Variants in HEXD observed in about 807,000 individuals in gnomAD.
HEXD encodes N-acetyl-beta-galactosaminidase.
A neutral mutation model predicts 54.2 loss-of-function variants in HEXD; 47 were observed. The observed-to-expected ratio is 0.87, with a 90% CI of 0.69 to 1.11. HEXD has a LOEUF of 1.11. Among genes scored for constraint, HEXD ranks in the 50% least tolerant of loss-of-function variants. The pLI, the probability that HEXD is intolerant of heterozygous loss-of-function variation, is 0.00. For missense variants in HEXD, 576 were observed against 649.2 expected (o/e 0.89, Z 1.23); for synonymous variants, 293 against 287.6 (o/e 1.02, Z -0.19).
intron 9 of HEXD, chr17:82,440,536 C>T (rs1410155755): frequency 6.1e-6 from 2 of 327,336 alleles, no homozygotes; most frequent in South Asian, 2.5e-5. Flanking sequence ...GCCCTCTGGC[C>T]GTCAGCCTCT....
rs765241910 is a variant in HEXD, at chr17:82,428,661, G to A, written c.282+16G>A. 1.9e-6 allele frequency: 3 copies of A among 1,608,370 alleles called. No homozygotes were observed. In the African/African-American group the frequency reaches 4.0e-5, roughly 21 times the overall value. On this transcript the variant is annotated intron_variant, in intron 4 of 12. Transcript: ENST00000327949. ...ACACATGGAGGTGAGTGGCAGAAATGGAAGTTACCTGGTGCCAGGTGTGGG... is the reference window on the plus strand; with the variant it reads ...ACACATGGAGGTGAGTGGCAGAAATAGAAGTTACCTGGTGCCAGGTGTGGG...
intron 4 of HEXD, among the ~76,000 whole-genome samples, chr17:82,430,640 C>T (rs913070598): frequency 6.6e-6 from 1 of 152,204 alleles, no homozygotes. Flanking sequence ...CCGCCTGCGT[C>T]GGCCTCTCAA....
intron 9 of HEXD, chr17:82,440,051 G>A (rs1567896763): frequency 1.5e-6 from 2 of 1,311,368 alleles, no homozygotes; most frequent in East Asian, 9.3e-5. Flanking sequence ...TGGCCGAGCA[G>A]GTGTGGGGCT....
chr17:82,440,961 G>A (rs766359988), intron 9 of HEXD, 36 bp from the exon 10 acceptor site: 4 of 1,611,998 alleles, frequency 2.5e-6, no homozygotes, highest in Non-Finnish European at 2.5e-6. Context: ...CTCCTCCAGA[G>A]GCCCCTCCAA....
At chr17:82,441,606 G>T (rs375334487) in intron 11 of HEXD, among the ~76,000 whole-genome samples, 194 bp from the exon 12 acceptor site, 14 of 152,048 alleles carry the variant, frequency 9.2e-5, no homozygotes, top group African/African-American at 3.4e-4. Context: ...GACAGGTGCT[G>T]GTGAGGGGCA....
intron 8 of HEXD, chr17:82,439,319 T>TG (rs1168029868): frequency 3.8e-6 from 2 of 523,568 alleles, no homozygotes; most frequent in Admixed American, 6.4e-5. Context: ...CCAGAGGTGC[T>TG]GGGGGGAGGG....
intron 8 of HEXD, among the ~76,000 whole-genome samples, chr17:82,438,030 A>C (rs1203015397): frequency 6.6e-6 from 1 of 152,122 alleles, no homozygotes; most frequent in Non-Finnish European, 1.5e-5. Context: ...TGAGGTCCAG[A>C]GTTCGTGACC....
In HEXD at chr17:82,428,530, CCT is replaced by C. The variant is rs763803136; in HGVS notation, c.195-21_195-20del. ...GGAAGTCACGTGCTGCTCACATGACCCTCTCTCTATGAATTTTGTCTCTCCAG... is the reference window on the plus strand; with the variant it reads ...GGAAGTCACGTGCTGCTCACATGACCCTCTCTATGAATTTTGTCTCTCCAG... On this transcript the variant is annotated intron_variant, in intron 3 of 12. Coordinates refer to ENST00000327949, the MANE Select transcript of HEXD (RefSeq NM_001330542.2). The C allele has an allele frequency of 1.2e-5, 19 of 1,601,900 alleles. No individual in the cohort carries two copies. The East Asian group carries it at 3.8e-4, about 32-fold the overall frequency.
intron 3 of HEXD, chr17:82,428,277 G>A: frequency 6.8e-6 from 2 of 292,366 alleles, no homozygotes; most frequent in South Asian, 8.4e-5. Context: ...GAGCCACTGT[G>A]CCTGGCCTTG....
intron 5 of HEXD, among the ~76,000 whole-genome samples, 154 bp downstream of exon 5, chr17:82,433,976 G>A (rs1430568380): frequency 2.0e-5 from 3 of 152,148 alleles, no homozygotes; most frequent in African/African-American, 4.8e-5. Context: ...GTGGATGGGC[G>A]GCCTGGCACG....
chr17:82,420,083 GA>G (rs939034680), intron 2 of HEXD, 200 bp downstream of exon 2: 31,147 of 285,256 alleles, frequency 0.11, 23 homozygotes, highest in East Asian at 0.15. Context: ...TGACAAAAGG[GA>G]AAAAAAAAAA....
At position 82,418,391 on chromosome 17, in the gene HEXD, C is replaced by A. The variant is rs761598896; in HGVS notation, c.-401C>A. 3.4e-5 allele frequency: 50 copies of A among 1,468,084 alleles called. No homozygotes were observed. In the South Asian group the frequency reaches 6.0e-4, roughly 17 times the overall value. 90.9% of individuals were successfully genotyped at this position (1,468,084 alleles called of 1,614,324 possible). On this transcript the variant is annotated 5_prime_UTR_variant, in exon 1 of 13. Coordinates refer to ENST00000327949, the MANE Select transcript of HEXD (RefSeq NM_001330542.2). ...CCCTGTCCGCCGCCGCAGCGCGCGC[C>A]CTTCCCCTCCTCACCGCTACCTGCT...
chr17:82,441,052 C>T lies in HEXD; in HGVS notation c.1038C>T (p.Ser346=). ...AKVENLLGIS[S]LEKTDPVREG... ...TGGAGAACCTTCTCGGGATTTCCAGCCTGGAAAAAACGGACCCTGTTAGGC... is the reference window on the plus strand; with the variant it reads ...TGGAGAACCTTCTCGGGATTTCCAGTCTGGAAAAAACGGACCCTGTTAGGC... The change falls in exon 10 of 13, where the codon AGC becomes AGT. Residue 346 remains serine, a synonymous_variant. Transcript: ENST00000327949. 6.2e-7 allele frequency: 1 copy of T among 1,613,574 alleles called. No individual in the cohort carries two copies. Among genetic ancestry groups the T allele is most frequent in the Middle Eastern group, 1.6e-4 (1 of 6,062 alleles).
chr17:82,437,138 A>C, intron 7 of HEXD, 30 bp from the exon 8 acceptor site: 1 of 1,546,314 alleles, frequency 6.5e-7, no homozygotes, highest in African/African-American at 1.4e-5. Context: ...CCTCCCCTGG[A>C]GCCACTCACC....
At chr17:82,422,122 T>G (rs1471352602) in intron 2 of HEXD, among the ~76,000 whole-genome samples, 1 of 147,314 alleles carries the variant, frequency 6.8e-6, no homozygotes. Flanking sequence ...GCCGAGATTG[T>G]GCCACTGCGC....
rs149027245 is a variant in HEXD, at chr17:82,439,836, G to A, written c.982+123G>A. On this transcript the variant is annotated intron_variant, in intron 9 of 12. Transcript: ENST00000327949. The stretch of plus-strand genomic sequence containing the variant: ...ACTGTGGTGGTCCTCACAGTCGGAG[G>A]ATGGTCTCACCGCCCCAGCTCAGCC... 2.2e-4 allele frequency: 343 copies of A among 1,570,230 alleles called. 3 individuals carry two copies. The East Asian group carries it at 6.6e-3, about 30-fold the overall frequency.
intron 9 of HEXD, chr17:82,440,329 C>T (rs894116209): frequency 3.1e-5 from 38 of 1,241,882 alleles, no homozygotes; most frequent in East Asian, 5.7e-5. Flanking sequence ...GACGGGGACG[C>T]GGCCGGTGAG....
rs2053702056 is a variant in HEXD at position 82,434,476 on chromosome 17, C to T, written c.447+654C>T. Reference sequence around the variant, plus strand: ...GAACCCGAGCTGAACATTTTAGCCCCAGAAGTTTCCTTTTTTTGAAGGAAA... The same window carrying T: ...GAACCCGAGCTGAACATTTTAGCCCTAGAAGTTTCCTTTTTTTGAAGGAAA... On this transcript the variant is annotated intron_variant, in intron 5 of 12. Coordinates refer to ENST00000327949, the MANE Select transcript of HEXD (RefSeq NM_001330542.2). The surrounding 1 kb of genome is among the most constrained non-coding windows in gnomAD (Gnocchi z 4.5). Among the ~76,000 whole-genome samples, 1 of 152,208 alleles carries T rather than the reference C, an allele frequency of 6.6e-6. No homozygotes were observed. Among genetic ancestry groups the T allele is most frequent in the African/African-American group, 2.4e-5 (1 of 41,460 alleles).
At chr17:82,420,538 G>A (rs1339250819) in intron 2 of HEXD, 1 of 152,260 alleles carries the variant, frequency 6.6e-6, no homozygotes, top group East Asian at 1.9e-4. Flanking sequence ...AACTGTGAGA[G>A]AATAAATTTC....
Sources: allele counts gnomAD v4.1 joint callset (sites outside exome capture counted in the v4.1 genomes callset), GRCh38; gene constraint gnomAD v4.1.1; non-coding constraint Gnocchi (gnomAD v3.1); transcripts MANE v1.5; gene names NCBI Gene and HGNC (gene_info 2026-07-23, HGNC 2026-07-21).